WDFY1: variants seen among roughly 807,000 people sequenced by gnomAD.
WDFY1 encodes WD repeat and FYVE domain-containing protein 1.
WDFY1 carries 32 observed loss-of-function variants against 56.4 expected under a neutral mutation model. The ratio of observed to expected loss-of-function variants is 0.57; its 90% CI spans 0.43 to 0.76. The LOEUF (loss-of-function observed/expected upper bound fraction) is 0.76, where lower values mean the gene tolerates loss of function less well. WDFY1 is among the 30% of genes least tolerant of loss of function. The pLI is 0.00. For synonymous variants in WDFY1, 192 were observed against 197.3 expected (o/e 0.97, Z 0.23); for missense variants, 480 against 545.7 (o/e 0.88, Z 1.20).
intron 8 of WDFY1, among the ~76,000 whole-genome samples, chr2:223,891,450 T>C (rs1693275606): frequency 6.7e-6 from 1 of 150,192 alleles, no homozygotes; most frequent in South Asian, 2.1e-4. Flanking sequence ...CTGTTTATCC[T>C]TGCAATACAT....
At chr2:223,886,717 T>G (rs1388723260) in intron 8 of WDFY1, among the ~76,000 whole-genome samples, 2 of 69,944 alleles carry the variant, frequency 2.9e-5, no homozygotes, top group Non-Finnish European at 5.1e-5. Context: ...GCGACAAGAG[T>G]GAAACTCCGT....
chr2:223,934,371 G>C (rs544158297), intron 1 of WDFY1, among the ~76,000 whole-genome samples: 1 of 150,968 alleles, frequency 6.6e-6, no homozygotes, highest in Non-Finnish European at 1.5e-5. Context: ...GATTACAGGC[G>C]TGAGCCACCA....
At chr2:223,907,042 T>G (rs1574768809) in intron 3 of WDFY1, among the ~76,000 whole-genome samples, 1 of 151,986 alleles carries the variant, frequency 6.6e-6, no homozygotes, top group East Asian at 1.9e-4. Flanking sequence ...TGATGCAATC[T>G]CAGCTCACTG....
rs1262521254 is a variant in WDFY1 at position 223,926,646 on chromosome 2, ATGTGCG to A, written c.138-8642_138-8637del. ...GTGTGTATTTCATATATATACAAATATGTGCGTGTGTGTGTGTGTGTGTGTGTATGT... is the reference window on the plus strand; with the variant it reads ...GTGTGTATTTCATATATATACAAATATGTGTGTGTGTGTGTGTGTGTATGT... On this transcript the variant is annotated intron_variant, in intron 1 of 11. Transcript: ENST00000233055. 3.4e-5 allele frequency among the ~76,000 whole-genome samples: 5 copies of A among 145,042 alleles called. No individual in the cohort carries two copies. In the East Asian group the frequency reaches 5.8e-4, roughly 17 times the overall value.
At chr2:223,887,894 T>C (rs1237151382) in intron 8 of WDFY1, among the ~76,000 whole-genome samples, 1 of 152,110 alleles carries the variant, frequency 6.6e-6, no homozygotes, top group African/African-American at 2.4e-5. Flanking sequence ...TCCTAGGACA[T>C]AACAGATTAA....
At chr2:223,915,596 T>C (rs1282747029) in intron 2 of WDFY1, among the ~76,000 whole-genome samples, 1 of 152,160 alleles carries the variant, frequency 6.6e-6, no homozygotes, top group African/African-American at 2.4e-5. Context: ...ATGACCAAAA[T>C]GCTAATGATG....
intron 5 of WDFY1, among the ~76,000 whole-genome samples, chr2:223,900,515 G>A (rs1221031715): frequency 6.6e-6 from 1 of 152,008 alleles, no homozygotes; most frequent in African/African-American, 2.4e-5. Context: ...TTAGGTAAGG[G>A]CGAGCTCTAC....
intron 10 of WDFY1, 145 bp downstream of exon 10, chr2:223,881,797 A>C (rs1693078120): frequency 8.4e-7 from 1 of 1,188,544 alleles, no homozygotes; most frequent in Admixed American, 2.4e-5. Context: ...CAAAAAACAA[A>C]CAACAAATAA....
chr2:223,922,311 T>G (rs747826100), intron 1 of WDFY1, among the ~76,000 whole-genome samples: 2 of 152,244 alleles, frequency 1.3e-5, no homozygotes, highest in South Asian at 4.1e-4. Context: ...ACAGCCAATA[T>G]ATTATTGCAG....
chr2:223,939,810 C>A (rs942701522), intron 1 of WDFY1, among the ~76,000 whole-genome samples: 3 of 152,136 alleles, frequency 2.0e-5, no homozygotes, highest in African/African-American at 7.2e-5. Flanking sequence ...ACCATATCAC[C>A]TCCCCCACAT....
chr2:223,906,969 T>A (rs1361832088), intron 3 of WDFY1, among the ~76,000 whole-genome samples: 1 of 150,606 alleles, frequency 6.6e-6, no homozygotes, highest in Non-Finnish European at 1.5e-5. Context: ...ATTATTATTA[T>A]TATTATTATT....
At chr2:223,932,192 G>A (rs112643695) in intron 1 of WDFY1, among the ~76,000 whole-genome samples, 3 of 136,658 alleles carry the variant, frequency 2.2e-5, no homozygotes, top group Non-Finnish European at 4.5e-5. Context: ...GTGCAATCTC[G>A]GCTCACTGCA....
At chr2:223,881,428 C>CAA (rs1162517919) in intron 10 of WDFY1, among the ~76,000 whole-genome samples, 1 of 152,146 alleles carries the variant, frequency 6.6e-6, no homozygotes, top group Admixed American at 6.5e-5. Context: ...GCTGCCCAGT[C>CAA]AGAGGGGCAA....
intron 8 of WDFY1, among the ~76,000 whole-genome samples, chr2:223,888,778 G>A (rs551943986): frequency 1.3e-5 from 2 of 151,182 alleles, no homozygotes; most frequent in East Asian, 3.9e-4. Flanking sequence ...AGTAGAGATG[G>A]GGTTTCACCA....
intron 1 of WDFY1, among the ~76,000 whole-genome samples, chr2:223,932,123 T>C (rs1694087611): frequency 7.6e-6 from 1 of 131,074 alleles, no homozygotes; most frequent in African/African-American, 2.7e-5. Context: ...GTACCTTTTT[T>C]TTTTTTTTTT....
intron 3 of WDFY1, among the ~76,000 whole-genome samples, chr2:223,908,497 C>T (rs571558019): frequency 7.3e-4 from 111 of 152,352 alleles, no homozygotes; most frequent in African/African-American, 2.5e-3. Context: ...CTCCAGCTTC[C>T]GTGGCTGCAC....
chr2:223,944,841 A>G (rs1237232385), intron 1 of WDFY1, among the ~76,000 whole-genome samples: 1 of 135,992 alleles, frequency 7.4e-6, no homozygotes, highest in Non-Finnish European at 1.6e-5. Flanking sequence ...ACGTTGGAAC[A>G]AGGGTCCCGG....
At chr2:223,896,155 CAAAAAAAAAAAAAAAA>C (rs71058956) in intron 6 of WDFY1, among the ~76,000 whole-genome samples, 1 of 39,828 alleles carries the variant, frequency 2.5e-5, no homozygotes, top group South Asian at 1.8e-3. Flanking sequence ...GACTCTGTCT[CAAAAAAAAAAAAAAAA>C]AAAAAAAAAA....
At chr2:223,894,589 T>C in intron 7 of WDFY1, 1 of 472,346 alleles carries the variant, frequency 2.1e-6, no homozygotes, top group Non-Finnish European at 3.9e-6. Context: ...GGCCAGAGAT[T>C]TGATGAGGGC....
Sources: allele counts gnomAD v4.1 joint callset (sites outside exome capture counted in the v4.1 genomes callset), GRCh38; gene constraint gnomAD v4.1.1; transcripts MANE v1.5; gene names NCBI Gene and HGNC (gene_info 2026-07-23, HGNC 2026-07-21).